The following FANCE variants were observed in gnomAD, a reference collection of about 807,000 sequenced individuals.
FANCE encodes Fanconi anemia group E protein.
In FANCE, 42 loss-of-function variants were observed where a neutral mutation model predicts 57.8. The observed-to-expected ratio is 0.73, with a 90% confidence interval of 0.57 to 0.94. The LOEUF is 0.94. FANCE is among the 40% of genes least tolerant of loss of function. FANCE has a pLI of 0.00. For missense variants in FANCE, 608 were observed against 661.8 expected, an observed-to-expected ratio of 0.92 and a Z score of 0.89; for synonymous variants, 251 against 286.4, an observed-to-expected ratio of 0.88 and a Z score of 1.25.
intron 1 of FANCE, among the ~76,000 whole-genome samples, chr6:35,455,076 A>T (rs1335248233): frequency 6.6e-6 from 1 of 152,228 alleles, no homozygotes; most frequent in East Asian, 1.9e-4. Context: ...TGCAAGACTA[A>T]GCACTGCACA....
chr6:35,454,052 AG>A (rs1297963054), intron 1 of FANCE, among the ~76,000 whole-genome samples: 10 of 150,394 alleles, frequency 6.6e-5, no homozygotes, highest in African/African-American at 2.5e-4. Context: ...TTTTAAACTT[AG>A]GTTTTTTTTG....
chr6:35,457,283 C>A (rs1196432049), intron 2 of FANCE, among the ~76,000 whole-genome samples: 1 of 152,036 alleles, frequency 6.6e-6, no homozygotes, highest in East Asian at 1.9e-4. Flanking sequence ...TGCACCATCA[C>A]GCCTGGCTAA....
intron 9 of FANCE, among the ~76,000 whole-genome samples, chr6:35,465,032 C>T (rs957992017): frequency 2.0e-5 from 3 of 152,110 alleles, no homozygotes; most frequent in African/African-American, 7.2e-5. Context: ...CCGCGCCTGG[C>T]CTGAGAGATA....
rs1767354523 is a variant in FANCE at position 35,456,618 on chromosome 6, G to A, written c.855+265G>A. 6.6e-6 allele frequency among the ~76,000 whole-genome samples: 1 copy of A among 152,084 alleles called. No individual in the cohort carries two copies. The highest frequency in any genetic ancestry group is 2.1e-4 in the South Asian group (1 of 4,824). Reference sequence around the variant, plus strand: ...CAACCTCTGCCTCCCGGGTTCAAGCGATTCTCCTGCCTCAGCTTCCTGAGT... The same window carrying A: ...CAACCTCTGCCTCCCGGGTTCAAGCAATTCTCCTGCCTCAGCTTCCTGAGT... On this transcript the variant is annotated intron_variant, in intron 2 of 9. Coordinates refer to ENST00000229769, the MANE Select transcript of FANCE (RefSeq NM_021922.3). The surrounding 1 kb of genome is among the most constrained non-coding windows in gnomAD (Gnocchi z 4.3).
At chr6:35,458,860 G>A (rs1169855093) in intron 5 of FANCE, among the ~76,000 whole-genome samples, 4 of 151,790 alleles carry the variant, frequency 2.6e-5, no homozygotes, top group Non-Finnish European at 5.9e-5. Context: ...GGCTCACTGC[G>A]ACCTCTGCCT....
intron 1 of FANCE, among the ~76,000 whole-genome samples, chr6:35,455,316 T>C (rs932093038): frequency 1.3e-5 from 2 of 151,938 alleles, no homozygotes; most frequent in African/African-American, 4.8e-5. Context: ...TTTTTTTTTT[T>C]CCTTTTTTTG....
Position 35,458,222 on chromosome 6 carries a change from C to T in FANCE, c.970-75C>T. 2.5e-6 allele frequency: 4 copies of T among 1,573,262 alleles called. No homozygotes were observed. In the South Asian group the frequency reaches 4.4e-5, roughly 17 times the overall value. On this transcript the variant is annotated intron_variant, in intron 4 of 9. Coordinates refer to ENST00000229769, the MANE Select transcript of FANCE (RefSeq NM_021922.3). ...TCTTTGCCCTGCTCTGTCTGCTGTC[C>T]AGTTGCTTGAGACAGCCTAGCAGAG...
rs1554121329 is a variant in FANCE, at chr6:35,456,059, A to G, written c.561A>G (p.Glu187=). The G allele has an allele frequency of 1.2e-6, 2 of 1,613,516 alleles. No individual in the cohort carries two copies. Among genetic ancestry groups the G allele is most frequent in the Non-Finnish European group, 1.7e-6 (2 of 1,179,824 alleles). Residue 187 remains glutamate (E), a synonymous_variant, in exon 2 of 10, where the codon GAA becomes GAG. Transcript: ENST00000229769. The surrounding 1 kb of genome is among the most constrained non-coding windows in gnomAD (Gnocchi z 4.3). Reference sequence around the variant, plus strand: ...AATCCCCCCAGGCTCCAGACCCTGAAGAAGAGGAGAACAGGGACTCCCAGC... The same window carrying G: ...AATCCCCCCAGGCTCCAGACCCTGAGGAAGAGGAGAACAGGGACTCCCAGC... ...RLKSPQAPDP[E]EEENRDSQQP...
At chr6:35,465,304 G>A (rs1198373172) in intron 9 of FANCE, among the ~76,000 whole-genome samples, 1 of 152,122 alleles carries the variant, frequency 6.6e-6, no homozygotes, top group East Asian at 1.9e-4. Context: ...TTCCCAAGTA[G>A]CTGGGAATAC....
intron 1 of FANCE, among the ~76,000 whole-genome samples, chr6:35,453,900 T>TAATC (rs1767213218): frequency 6.6e-6 from 1 of 152,320 alleles, no homozygotes; most frequent in South Asian, 2.1e-4. Context: ...ATTTCCTTTA[T>TAATC]AATCCTAGAT....
At chr6:35,466,163 C>T in intron 9 of FANCE, 81 bp from the exon 10 acceptor site, 1 of 883,452 alleles carries the variant, frequency 1.1e-6, no homozygotes. Flanking sequence ...CCTCCTCTCT[C>T]CTCAATAGAG....
intron 9 of FANCE, among the ~76,000 whole-genome samples, chr6:35,466,005 T>G (rs570172379): frequency 6.6e-6 from 1 of 152,338 alleles, no homozygotes; most frequent in South Asian, 2.1e-4. Context: ...TGCCACATAG[T>G]AAACACACAA....
At position 35,465,025 on chromosome 6, in the gene FANCE, C is replaced by T. The variant is rs545511082; in HGVS notation, c.1510-1219C>T. On this transcript the variant is annotated intron_variant, in intron 9 of 9. Coordinates refer to ENST00000229769, the MANE Select transcript of FANCE (RefSeq NM_021922.3). ...CTGGGATTACAGGTGTGAGCCACCGCGCCTGGCCTGAGAGATATTCTTATT... is the reference window on the plus strand; with the variant it reads ...CTGGGATTACAGGTGTGAGCCACCGTGCCTGGCCTGAGAGATATTCTTATT... 5.9e-4 allele frequency among the ~76,000 whole-genome samples: 89 copies of T among 151,738 alleles called. No individual in the cohort carries two copies. The South Asian group carries it at 7.3e-3, about 12-fold the overall frequency.
rs1377260036 is a variant in FANCE, at chr6:35,462,777, C to T, written c.1384-12C>T. 1 of 1,614,056 alleles carries T rather than the reference C, an allele frequency of 6.2e-7. No homozygotes were observed. The highest frequency in any genetic ancestry group is 8.5e-7 in the Non-Finnish European group (1 of 1,179,940). ...TTCTTGTGATTACTGCTCCATCTCC[C>T]AATGTGTGCAGGTGGAGATGACCCC... On this transcript the variant is annotated splice_polypyrimidine_tract_variant and intron_variant, in intron 8 of 9. Coordinates refer to ENST00000229769, the MANE Select transcript of FANCE (RefSeq NM_021922.3).
chr6:35,460,634 TG>T lies in FANCE; in HGVS notation c.1383+20del. The T allele has an allele frequency of 1.2e-6, 2 of 1,610,928 alleles. No individual in the cohort carries two copies. The highest frequency in any genetic ancestry group is 1.7e-6 in the Non-Finnish European group (2 of 1,177,472). ...AGAGCGGCAGGTGAGCAGGCTGCCC[TG>T]GGGAAGAGTGGACAAAGAAGTGCTG... On this transcript the variant is annotated intron_variant, in intron 8 of 9. Coordinates refer to ENST00000229769, the MANE Select transcript of FANCE (RefSeq NM_021922.3).
intron 8 of FANCE, among the ~76,000 whole-genome samples, chr6:35,462,569 GTC>G (rs1767635781): frequency 6.6e-6 from 1 of 152,124 alleles, no homozygotes. Flanking sequence ...AGACCTGTGT[GTC>G]TTATGTGCAT....
Position 35,457,592 on chromosome 6 carries a change from T to A in FANCE, c.892T>A (p.Leu298Met), listed in dbSNP as rs1296790141. The change falls in exon 3 of 10, where the codon TTG becomes ATG. Residue 298 changes from leucine to methionine, a missense_variant. Physicochemically the swap from Leu to Met is conservative, Grantham distance 15. Coordinates refer to ENST00000229769, the MANE Select transcript of FANCE (RefSeq NM_021922.3). Reference sequence around the variant, plus strand: ...CAGGCTGCAGCAGCTGCTGAAGACCTTGGAGGAGGTGACTGGCCCCACAGT... The same window carrying A: ...CAGGCTGCAGCAGCTGCTGAAGACCATGGAGGAGGTGACTGGCCCCACAGT... Reference protein sequence around the residue: ...LPRLQQLLKTLEEGLEGLEDA... With the variant: ...LPRLQQLLKTMEEGLEGLEDA... 8.7e-6 allele frequency: 14 copies of A among 1,613,836 alleles called. No homozygotes were observed. The highest frequency in any genetic ancestry group is 1.2e-5 in the Non-Finnish European group (14 of 1,179,986).
chr6:35,466,205 A>G (rs780761440), intron 9 of FANCE, 39 bp from the exon 10 acceptor site: 2 of 1,287,740 alleles, frequency 1.6e-6, no homozygotes, highest in Admixed American at 3.4e-5. Context: ...GGGAGGGATC[A>G]GTTGCTGGAG....
intron 8 of FANCE, 117 bp downstream of exon 8, chr6:35,460,735 C>T: frequency 1.1e-6 from 1 of 905,528 alleles, no homozygotes; most frequent in Non-Finnish European, 1.8e-6. Context: ...GGACAGCTGC[C>T]CTACAGCAGC....
Sources: gnomAD v4.1 joint callset for allele counts (sites outside exome capture counted in the v4.1 genomes callset) on GRCh38, gnomAD v4.1.1 for gene constraint, Gnocchi (gnomAD v3.1) non-coding constraint, MANE v1.5 for transcripts, NCBI Gene and HGNC (gene_info 2026-07-23, HGNC 2026-07-21) for gene names.